The following PALM2AKAP2 variants were observed in gnomAD, a reference collection of about 807,000 sequenced individuals.
PALM2AKAP2 encodes the protein PALM2-AKAP2 fusion protein.
In PALM2AKAP2, 37 loss-of-function variants were observed where a neutral mutation model predicts 71.5. The observed-to-expected ratio is 0.52, with a 90% CI of 0.40 to 0.68. PALM2AKAP2 has a LOEUF of 0.68. Among genes scored for constraint, PALM2AKAP2 ranks in the 30% least tolerant of loss-of-function variants. PALM2AKAP2 has a pLI of 0.00. For missense variants in PALM2AKAP2, 1,224 were observed against 1,191.8 expected, an observed-to-expected ratio of 1.03 and a Z score of -0.40; for synonymous variants, 468 against 478.8, an observed-to-expected ratio of 0.98 and a Z score of 0.29.
chr9:110,136,287 C>T lies in PALM2AKAP2; in HGVS notation c.317C>T (p.Thr106Ile), dbSNP rs370921513. The change falls in exon 2 of 4, where the codon ACC becomes ATC. Residue 106 changes from threonine (T) to isoleucine (I), a missense_variant. Physicochemically the swap from Thr to Ile is moderately conservative, Grantham distance 89. Coordinates refer to ENST00000374525, the Ensembl canonical transcript of PALM2AKAP2. ...GAATGTAAAAGTGTTCCTGGAATCA[C>T]CTCTACCCCACATCCCATGGACCAT... 43 of 1,614,056 alleles carry T rather than the reference C, an allele frequency of 2.7e-5. No individual in the cohort carries two copies. Among genetic ancestry groups the T allele is most frequent in the African/African-American group, 6.7e-5 (5 of 74,940 alleles).
At chr9:110,113,267 T>C (rs548022167) in intron 1 of PALM2AKAP2, among the ~76,000 whole-genome samples, 2 of 150,546 alleles carry the variant, frequency 1.3e-5, no homozygotes, top group Non-Finnish European at 3.0e-5. Flanking sequence ...TGAGATGGAA[T>C]CTCACTCTGT....
intron 1 of PALM2AKAP2, among the ~76,000 whole-genome samples, chr9:109,673,921 C>T (rs544213768): frequency 6.6e-6 from 1 of 151,986 alleles, no homozygotes; most frequent in African/African-American, 2.4e-5. Flanking sequence ...GATTGCAACC[C>T]CTGCTTTTTT....
intron 7 of PALM2AKAP2, among the ~76,000 whole-genome samples, chr9:110,035,020 C>T (rs1433308745): frequency 6.6e-6 from 1 of 151,018 alleles, no homozygotes; most frequent in East Asian, 1.9e-4. Context: ...CAATTGAATT[C>T]GCCCATGGTA....
intron 2 of PALM2AKAP2, among the ~76,000 whole-genome samples, chr9:110,152,901 G>T (rs771738744): frequency 6.6e-6 from 1 of 152,186 alleles, no homozygotes; most frequent in Non-Finnish European, 1.5e-5. Flanking sequence ...CCTTGATACT[G>T]ACCAGAATGA....
intron 1 of PALM2AKAP2, among the ~76,000 whole-genome samples, chr9:109,680,760 A>C (rs1210320799): frequency 6.6e-6 from 1 of 152,226 alleles, no homozygotes; most frequent in African/African-American, 2.4e-5. Context: ...CAAAAAGCAT[A>C]ATATAATATG....
intron 1 of PALM2AKAP2, among the ~76,000 whole-genome samples, chr9:109,707,496 C>G (rs1828162439): frequency 6.6e-6 from 1 of 152,160 alleles, no homozygotes; most frequent in African/African-American, 2.4e-5. Flanking sequence ...AACTTGGTTT[C>G]CAGGGACAGC....
At chr9:109,838,277 A>G (rs1828541191) in intron 1 of PALM2AKAP2, among the ~76,000 whole-genome samples, 1 of 152,232 alleles carries the variant, frequency 6.6e-6, no homozygotes, top group Non-Finnish European at 1.5e-5. Context: ...CTGAATGACT[A>G]CTGGGTACAT....
At chr9:109,706,505 C>T (rs893857889) in intron 1 of PALM2AKAP2, among the ~76,000 whole-genome samples, 9 of 152,094 alleles carry the variant, frequency 5.9e-5, no homozygotes, top group Admixed American at 6.6e-5. Flanking sequence ...GACTCTTTCA[C>T]AAAATGCTAA....
intron 1 of PALM2AKAP2, among the ~76,000 whole-genome samples, chr9:109,852,835 A>G (rs115567219): frequency 0.011 from 1,737 of 152,162 alleles, 28 homozygotes; most frequent in African/African-American, 0.04. Context: ...ATGTCTTTTG[A>G]AAAGTGTCTG....
At chr9:109,741,507 A>G (rs933319629) in intron 1 of PALM2AKAP2, among the ~76,000 whole-genome samples, 1 of 152,194 alleles carries the variant, frequency 6.6e-6, no homozygotes, top group South Asian at 2.1e-4. Flanking sequence ...AGGGCGACAG[A>G]TGTTTTAACT....
At chr9:110,022,841 T>C (rs1833098472) in intron 7 of PALM2AKAP2, among the ~76,000 whole-genome samples, 1 of 152,090 alleles carries the variant, frequency 6.6e-6, no homozygotes, top group East Asian at 1.9e-4. Context: ...TGGTTTTTTG[T>C]CCTTGCAATA....
At chr9:110,006,173 C>G (rs1050318963) in intron 6 of PALM2AKAP2, among the ~76,000 whole-genome samples, 4 of 152,026 alleles carry the variant, frequency 2.6e-5, no homozygotes, top group African/African-American at 9.7e-5. Flanking sequence ...GGCTCCACCT[C>G]TTTTCTTTTT....
intron 1 of PALM2AKAP2, among the ~76,000 whole-genome samples, chr9:110,108,076 TA>T (rs1017619271): frequency 4.9e-5 from 7 of 143,736 alleles, no homozygotes; most frequent in East Asian, 1.9e-4. Flanking sequence ...ATTTTGCTGT[TA>T]TTTTTTTTTT....
chr9:110,125,336 C>T (rs1050881437), intron 1 of PALM2AKAP2, among the ~76,000 whole-genome samples: 4 of 152,200 alleles, frequency 2.6e-5, no homozygotes, highest in South Asian at 2.1e-4. Context: ...AGGAGCAGGC[C>T]GGGCCTGCTC....
chr9:109,662,568 C>A (rs754568219), intron 1 of PALM2AKAP2, among the ~76,000 whole-genome samples: 1 of 152,144 alleles, frequency 6.6e-6, no homozygotes, highest in Non-Finnish European at 1.5e-5. Context: ...ATTTGGTTTG[C>A]CAGTATTTTA....
At chr9:110,172,138 T>TC (rs1352249707) in exon 4 of PALM2AKAP2, 3 of 152,582 alleles carry the variant, frequency 2.0e-5, no homozygotes, top group Admixed American at 6.5e-5. Flanking sequence ...ACCTTTTTTT[T>TC]CCCAACTAAA....
rs559574541 is a variant in PALM2AKAP2, at chr9:110,092,607, A to G, written c.157-43520A>G. Among the ~76,000 whole-genome samples the G allele has an allele frequency of 1.6e-4, 25 of 152,294 alleles. 1 individual carries two copies. Among genetic ancestry groups the G allele is most frequent in the African/African-American group, 5.8e-4 (24 of 41,552 alleles). On this transcript the variant is annotated intron_variant, in intron 1 of 3. Coordinates refer to ENST00000374525, the Ensembl canonical transcript of PALM2AKAP2. ...GGTTTTAAGGGCAGTGAAATGCTGT[A>G]GAAGGACTGTAATCTGCATAACTCA...
intron 3 of PALM2AKAP2, among the ~76,000 whole-genome samples, chr9:109,917,559 A>G (rs889071254): frequency 7.3e-6 from 1 of 137,058 alleles, no homozygotes; most frequent in Non-Finnish European, 1.5e-5. Flanking sequence ...TGTGATCATC[A>G]CTCACTGCAG....
intron 1 of PALM2AKAP2, among the ~76,000 whole-genome samples, chr9:109,795,501 T>C (rs1002910300): frequency 6.6e-6 from 1 of 152,230 alleles, no homozygotes; most frequent in African/African-American, 2.4e-5. Flanking sequence ...AAAAAAATGG[T>C]AAATCCTTAA....
Sources: gnomAD v4.1 joint callset for allele counts (sites outside exome capture counted in the v4.1 genomes callset) on GRCh38, gnomAD v4.1.1 for gene constraint, MANE v1.5 for transcripts, NCBI Gene and HGNC (gene_info 2026-07-23, HGNC 2026-07-21) for gene names.